GATAD2A: variants seen among roughly 807,000 people sequenced by gnomAD.
GATAD2A encodes GATA zinc finger domain containing 2A.
In GATAD2A, 12 loss-of-function variants were observed where a neutral mutation model predicts 68.5. The observed-to-expected ratio is 0.18, with a 90% CI of 0.11 to 0.28. The LOEUF (loss-of-function observed/expected upper bound fraction) is 0.28. GATAD2A is among the 10% of genes least tolerant of loss of function. The probability of loss-of-function intolerance (pLI) is 1.00; values close to 1 mark genes in which losing one functional copy is unlikely to be tolerated. For synonymous variants in GATAD2A, 410 were observed against 375.3 expected, an observed-to-expected ratio of 1.09 and a Z score of -1.07; for missense variants, 755 against 868.5, an observed-to-expected ratio of 0.87 and a Z score of 1.64.
At chr19:19,457,020 G>T (rs1251880980) in intron 1 of GATAD2A, 2 of 809,680 alleles carry the variant, frequency 2.5e-6, no homozygotes, top group East Asian at 1.3e-4. Context: ...CAACAGATTT[G>T]GATGAAACCC....
intron 2 of GATAD2A, among the ~76,000 whole-genome samples, chr19:19,466,328 C>G (rs908180614): frequency 2.6e-5 from 4 of 152,246 alleles, no homozygotes; most frequent in Non-Finnish European, 5.9e-5. Context: ...TCACCCCTCC[C>G]CTTGGAGCTC....
At chr19:19,486,688 T>C (rs2059455016) in intron 2 of GATAD2A, among the ~76,000 whole-genome samples, 1 of 152,174 alleles carries the variant, frequency 6.6e-6, no homozygotes, top group African/African-American at 2.4e-5. Flanking sequence ...ATGAGTGCTC[T>C]CAGGAAGGTC....
At chr19:19,487,559 C>T (rs2059524944) in intron 2 of GATAD2A, among the ~76,000 whole-genome samples, 2 of 151,992 alleles carry the variant, frequency 1.3e-5, no homozygotes, top group Non-Finnish European at 2.9e-5. Flanking sequence ...GCCAGCCCTT[C>T]TTGGGAAGCT....
intron 2 of GATAD2A, among the ~76,000 whole-genome samples, chr19:19,489,779 C>T (rs773203577): frequency 6.6e-6 from 1 of 152,238 alleles, no homozygotes; most frequent in African/African-American, 2.4e-5. Flanking sequence ...TCAGCTCATG[C>T]TAGCCCAGGA....
At chr19:19,495,624 C>A in intron 5 of GATAD2A, 130 bp from the exon 6 acceptor site, 1 of 894,292 alleles carries the variant, frequency 1.1e-6, no homozygotes, top group Non-Finnish European at 1.6e-6. Flanking sequence ...TCTTTAACTT[C>A]TCTGCTACTT....
intron 1 of GATAD2A, among the ~76,000 whole-genome samples, chr19:19,413,881 G>A (rs2051263138): frequency 6.6e-6 from 1 of 152,162 alleles, no homozygotes; most frequent in African/African-American, 2.4e-5. Flanking sequence ...CACCGTGCCT[G>A]GCTGTGTTTG....
intron 2 of GATAD2A, among the ~76,000 whole-genome samples, chr19:19,491,953 G>A (rs909489157): frequency 2.6e-5 from 4 of 152,200 alleles, no homozygotes; most frequent in Non-Finnish European, 2.9e-5. Context: ...CCAGGATCCC[G>A]AGCCGAGTGT....
At position 19,465,611 on chromosome 19, in the gene GATAD2A, A is replaced by C. The variant is rs762594581; in HGVS notation, c.266A>C (p.His89Pro). 3.2e-5 allele frequency: 51 copies of C among 1,606,092 alleles called. No homozygotes were observed. Among genetic ancestry groups the C allele is most frequent in the Middle Eastern group, 3.4e-4 (2 of 5,916 alleles). ...GDGPVDMRTSHSDMKSERRPP... is the reference protein window; with the variant it reads ...GDGPVDMRTSPSDMKSERRPP... ...GGGCCCGTGGACATGCGCACCTCAC[A>C]CAGGTGAGTGGGAGGAGCCAGCGGG... The change falls in exon 2 of 12, where the codon CAC becomes CCC. Residue 89 changes from histidine (H) to proline (P), a missense_variant. Coordinates refer to ENST00000683918, the MANE Select transcript of GATAD2A (RefSeq NM_001384528.1).
chr19:19,391,244 C>T (rs1278161642), intron 1 of GATAD2A, among the ~76,000 whole-genome samples: 1 of 152,182 alleles, frequency 6.6e-6, no homozygotes, highest in African/African-American at 2.4e-5. Context: ...CTGAACTAGG[C>T]CCCTGGTGGG....
At chr19:19,502,100 G>A (rs1005063073) in intron 10 of GATAD2A, 57 bp downstream of exon 10, 10 of 1,283,838 alleles carry the variant, frequency 7.8e-6, no homozygotes, top group African/African-American at 2.9e-5. Context: ...CCGTGACCAC[G>A]TCAGTCGCCG....
intron 1 of GATAD2A, among the ~76,000 whole-genome samples, chr19:19,455,062 T>C (rs2056801131): frequency 6.6e-6 from 1 of 152,060 alleles, no homozygotes; most frequent in Non-Finnish European, 1.5e-5. Flanking sequence ...GGATTGAAAA[T>C]ATTTGGGGTA....
At chr19:19,387,622 G>A (rs993301869) in intron 1 of GATAD2A, among the ~76,000 whole-genome samples, 1 of 151,938 alleles carries the variant, frequency 6.6e-6, no homozygotes, top group Non-Finnish European at 1.5e-5. Context: ...CCTGGCCCCC[G>A]CTTTTTGATG....
Position 19,485,991 on chromosome 19 carries a change from C to T in GATAD2A, c.270-6315C>T, listed in dbSNP as rs201697238. ...GTGCACGAGGGAAGCAGCTGCCCAC[C>T]GTGCAAGGGGGTCCATCAGTCCGTG... On this transcript the variant is annotated intron_variant, in intron 2 of 11. Coordinates refer to ENST00000683918, the MANE Select transcript of GATAD2A (RefSeq NM_001384528.1). 5.9e-5 allele frequency among the ~76,000 whole-genome samples: 9 copies of T among 152,328 alleles called. No homozygotes were observed. The East Asian group carries it at 1.3e-3, about 23-fold the overall frequency.
intron 1 of GATAD2A, among the ~76,000 whole-genome samples, chr19:19,422,436 C>T (rs2052535644): frequency 6.6e-6 from 1 of 152,298 alleles, no homozygotes; most frequent in South Asian, 2.1e-4. Context: ...GCTGGCAGAG[C>T]CCCACGTCCA....
intron 1 of GATAD2A, among the ~76,000 whole-genome samples, chr19:19,437,147 T>C (rs570525368): frequency 6.6e-6 from 1 of 152,226 alleles, no homozygotes; most frequent in Admixed American, 6.5e-5. Context: ...TTTTATGTTT[T>C]GAGACAGGGT....
intron 1 of GATAD2A, among the ~76,000 whole-genome samples, chr19:19,428,757 G>A (rs76551226): frequency 1.3e-5 from 2 of 152,290 alleles, no homozygotes; most frequent in Non-Finnish European, 2.9e-5. Flanking sequence ...GATACGGGGA[G>A]TGCAGAGTGT....
intron 7 of GATAD2A, 49 bp from the exon 8 acceptor site, chr19:19,498,394 C>G: frequency 6.4e-7 from 1 of 1,560,016 alleles, no homozygotes; most frequent in African/African-American, 1.4e-5. Context: ...GGGAGCCTTC[C>G]TCTGGGCAGG....
At chr19:19,504,066 A>G (rs548385023) in intron 11 of GATAD2A, among the ~76,000 whole-genome samples, 1 of 152,120 alleles carries the variant, frequency 6.6e-6, no homozygotes. Flanking sequence ...AGCCAAGCAC[A>G]TGGCATGTGT....
Position 19,506,062 on chromosome 19 carries a change from G to A in GATAD2A, c.*588G>A, listed in dbSNP as rs190813063. Reference sequence around the variant, plus strand: ...TCCCTGTTGTACGCTGCATCATCCCGCTGGCCCTGTGCCCTGGAGGGTGGG... The same window carrying A: ...TCCCTGTTGTACGCTGCATCATCCCACTGGCCCTGTGCCCTGGAGGGTGGG... On this transcript the variant is annotated 3_prime_UTR_variant, in exon 12 of 12. Transcript: ENST00000683918. 8 of 398,702 alleles carry A rather than the reference G, an allele frequency of 2.0e-5. No individual in the cohort carries two copies. The highest frequency in any genetic ancestry group is 6.3e-4 in the Middle Eastern group (1 of 1,588). 24.7% of individuals were successfully genotyped at this position (398,702 alleles called of 1,614,324 possible).
Sources: allele counts gnomAD v4.1 joint callset (sites outside exome capture counted in the v4.1 genomes callset), GRCh38; gene constraint gnomAD v4.1.1; transcripts MANE v1.5; gene names NCBI Gene and HGNC (gene_info 2026-07-23, HGNC 2026-07-21).